The following LUC7L2 variants were observed in gnomAD, a reference collection of about 807,000 sequenced individuals.
LUC7L2 encodes the protein LUC7 like 2, pre-mRNA splicing factor, also known as putative RNA-binding protein Luc7-like 2.
A neutral mutation model predicts 52.8 loss-of-function variants in LUC7L2; 25 were observed. The observed-to-expected ratio is 0.47, with a 90% CI of 0.34 to 0.66. The LOEUF is 0.66. Among genes scored for constraint, LUC7L2 ranks in the 30% least tolerant of loss-of-function variants. The pLI is 0.01. For missense variants in LUC7L2, 328 were observed against 497.8 expected (o/e 0.66, Z 3.25); for synonymous variants, 144 against 160.9 (o/e 0.89, Z 0.80).
intron 1 of LUC7L2, among the ~76,000 whole-genome samples, chr7:139,373,847 G>A (rs1436567601): frequency 1.3e-5 from 2 of 152,172 alleles, no homozygotes; most frequent in Non-Finnish European, 2.9e-5. Flanking sequence ...TTCTGCTGTT[G>A]CCATTACCAA....
chr7:139,401,572 C>G (rs1468925960), intron 3 of LUC7L2, among the ~76,000 whole-genome samples: 2 of 152,064 alleles, frequency 1.3e-5, no homozygotes, highest in Non-Finnish European at 2.9e-5. Flanking sequence ...CCTGCCTCAG[C>G]CTCCCGAGTA....
intron 1 of LUC7L2, chr7:139,345,820 C>T (rs925928953): frequency 1.7e-6 from 2 of 1,183,400 alleles, no homozygotes; most frequent in East Asian, 2.6e-5. Context: ...ATTTTGTTTA[C>T]TAGTTCTTAG....
At chr7:139,356,272 G>A (rs1799599960), upstream of LUC7L2, among the ~76,000 whole-genome samples, 1 of 133,284 alleles carries the variant, frequency 7.5e-6, no homozygotes, top group African/African-American at 2.6e-5. Flanking sequence ...GCGAGATCTC[G>A]CCACTGCACT....
intron 2 of LUC7L2, among the ~76,000 whole-genome samples, chr7:139,390,556 A>AG (rs1163314857): frequency 9.2e-6 from 1 of 108,732 alleles, no homozygotes; most frequent in Non-Finnish European, 1.7e-5. Flanking sequence ...TAGACAATGT[A>AG]GTTTTTTTTT....
intron 1 of LUC7L2, chr7:139,374,252 A>T (rs1488769541): frequency 3.2e-6 from 2 of 620,982 alleles, no homozygotes; most frequent in Admixed American, 6.1e-5. Flanking sequence ...AGTATTTAAA[A>T]AAATGAAACA....
chr7:139,352,916 G>A lies in LUC7L2; in HGVS notation c.-26+12399G>A, dbSNP rs576164105. 3.9e-5 allele frequency among the ~76,000 whole-genome samples: 6 copies of A among 152,212 alleles called. No homozygotes were observed. In the South Asian group the frequency reaches 8.3e-4, roughly 21 times the overall value. ...TTTAAAATCTACATTAATAGGCACCGGCCGGGCACGGTGGCTCATGCTTGC... is the reference window on the plus strand; with the variant it reads ...TTTAAAATCTACATTAATAGGCACCAGCCGGGCACGGTGGCTCATGCTTGC... On this transcript the variant is annotated intron_variant, in intron 1 of 10. Coordinates refer to the LUC7L2 transcript ENST00000541170.
At position 139,383,114 on chromosome 7, in the gene LUC7L2, T is replaced by G. The variant is rs187381814; in HGVS notation, c.156+6958T>G. Among the ~76,000 whole-genome samples, 353 of 151,634 alleles carry G rather than the reference T, an allele frequency of 2.3e-3. 4 individuals are homozygous for G. The highest frequency in any genetic ancestry group is 8.3e-3 in the African/African-American group (343 of 41,368). ...CTAATTTTTGTATTTGTATTTTTAT[T>G]TTATTTATTTATTTTTTTGAGACGG... is the stretch of plus-strand genomic sequence containing the variant. On this transcript the variant is annotated intron_variant, in intron 2 of 9. Coordinates refer to ENST00000354926, the MANE Select transcript of LUC7L2 (RefSeq NM_016019.5).
At chr7:139,360,352 G>A (rs1410456772) in intron 1 of LUC7L2, 30 bp downstream of exon 1, 1 of 1,544,628 alleles carries the variant, frequency 6.5e-7, no homozygotes, top group Non-Finnish European at 8.7e-7. Flanking sequence ...CTGGGGGTGG[G>A]GGAGGGGACG....
intron 1 of LUC7L2, among the ~76,000 whole-genome samples, chr7:139,373,174 A>G (rs1053120742): frequency 3.3e-5 from 5 of 152,164 alleles, no homozygotes; most frequent in African/African-American, 1.2e-4. Flanking sequence ...AATTACCAGC[A>G]TTTTTCTTTT....
At chr7:139,349,620 C>G (rs941065996) in intron 1 of LUC7L2, among the ~76,000 whole-genome samples, 36 of 150,696 alleles carry the variant, frequency 2.4e-4, no homozygotes, top group East Asian at 1.2e-3. Context: ...CTGCTCCCCC[C>G]CCCCCCACCG....
chr7:139,387,256 C>T (rs1356415901), intron 2 of LUC7L2, among the ~76,000 whole-genome samples: 4 of 152,130 alleles, frequency 2.6e-5, no homozygotes, highest in Admixed American at 6.5e-5. Flanking sequence ...TGCAGTGGCG[C>T]GATCTCGGCT....
intron 1 of LUC7L2, chr7:139,340,731 C>T (rs1230020508): frequency 3.9e-5 from 15 of 383,970 alleles, no homozygotes; most frequent in Non-Finnish European, 5.5e-5. Flanking sequence ...AGGCATTGGC[C>T]TCCTAAGCCA....
intron 1 of LUC7L2, among the ~76,000 whole-genome samples, chr7:139,353,208 C>T (rs1242423662): frequency 6.6e-6 from 1 of 151,998 alleles, no homozygotes; most frequent in Non-Finnish European, 1.5e-5. Flanking sequence ...AATTAATAGG[C>T]ACCATGTTTA....
chr7:139,388,068 A>T (rs556027362), intron 2 of LUC7L2, among the ~76,000 whole-genome samples: 1 of 152,176 alleles, frequency 6.6e-6, no homozygotes, highest in Admixed American at 6.5e-5. Context: ...GGCTTACTAT[A>T]TGTGATTGCC....
intron 2 of LUC7L2, among the ~76,000 whole-genome samples, chr7:139,388,533 G>A (rs549801950): frequency 6.6e-6 from 1 of 151,814 alleles, no homozygotes; most frequent in South Asian, 2.1e-4. Context: ...TGTGTAATTC[G>A]TTAGAGCATC....
intron 1 of LUC7L2, among the ~76,000 whole-genome samples, chr7:139,362,823 G>C (rs1799956805): frequency 6.6e-6 from 1 of 151,840 alleles, no homozygotes; most frequent in South Asian, 2.1e-4. Flanking sequence ...CTTCCTGACA[G>C]TTTTTAATTA....
chr7:139,394,036 G>A (rs1794557993), intron 2 of LUC7L2, among the ~76,000 whole-genome samples: 1 of 152,110 alleles, frequency 6.6e-6, no homozygotes, highest in Admixed American at 6.6e-5. Context: ...AGCCCAGAAA[G>A]TGACAAGCCC....
At position 139,375,649 on chromosome 7, in the gene LUC7L2, C is replaced by T. The variant is rs936979824; in HGVS notation, c.62-413C>T. The T allele has an allele frequency of 4.1e-6, 4 of 974,526 alleles. No homozygotes were observed. In the South Asian group the frequency reaches 1.9e-4, roughly 46 times the overall value. 60.4% of individuals were successfully genotyped at this position (974,526 alleles called of 1,614,324 possible). A position where few individuals can be genotyped will look rare whatever the true frequency, so the allele number is the denominator to read the frequency against. The stretch of plus-strand genomic sequence containing the variant: ...TACTGTAAATAAAAATATATCAATG[C>T]TTAGTGTCAAGAAGGGAACATTGTA... On this transcript the variant is annotated intron_variant, in intron 1 of 9. Coordinates refer to ENST00000354926, the MANE Select transcript of LUC7L2 (RefSeq NM_016019.5).
chr7:139,408,951 C>A (rs1795234897), intron 6 of LUC7L2, among the ~76,000 whole-genome samples: 1 of 151,692 alleles, frequency 6.6e-6, no homozygotes, highest in Non-Finnish European at 1.5e-5. Flanking sequence ...AGTTGGAGAC[C>A]AGCCTGGGCA....
Sources: gnomAD v4.1 joint callset for allele counts (sites outside exome capture counted in the v4.1 genomes callset) on GRCh38, gnomAD v4.1.1 for gene constraint, MANE v1.5 for transcripts, NCBI Gene and HGNC (gene_info 2026-07-23, HGNC 2026-07-21) for gene names.